The following LRRC4C variants were observed in gnomAD, a reference collection of about 807,000 sequenced individuals.
LRRC4C encodes the protein leucine-rich repeat-containing protein 4C.
A neutral mutation model predicts 33.6 loss-of-function variants in LRRC4C; 5 were observed. The ratio of observed to expected loss-of-function variants is 0.15; its 90% CI spans 0.08 to 0.31. LRRC4C has a LOEUF of 0.31. LRRC4C is among the 10% of genes least tolerant of loss of function. The pLI, the probability that LRRC4C is intolerant of heterozygous loss-of-function variation, is 1.00. For synonymous variants in LRRC4C, 329 were observed against 302.0 expected, an observed-to-expected ratio of 1.09 and a Z score of -0.93; for missense variants, 560 against 796.7, an observed-to-expected ratio of 0.70 and a Z score of 3.58.
At chr11:41,177,932 G>A (rs1383532449) in intron 1 of LRRC4C, among the ~76,000 whole-genome samples, 1 of 152,174 alleles carries the variant, frequency 6.6e-6, no homozygotes, top group Admixed American at 6.5e-5. Context: ...GAGGGGTGGA[G>A]AAGAGGTCCA....
At chr11:41,004,468 G>A (rs964227455) in intron 1 of LRRC4C, among the ~76,000 whole-genome samples, 2 of 152,256 alleles carry the variant, frequency 1.3e-5, no homozygotes, top group South Asian at 2.1e-4. Context: ...CTACAAAAAT[G>A]CATGATTCCT....
intron 3 of LRRC4C, among the ~76,000 whole-genome samples, chr11:40,440,667 G>T (rs1357764165): frequency 6.6e-6 from 1 of 152,046 alleles, no homozygotes; most frequent in Non-Finnish European, 1.5e-5. Flanking sequence ...ATTCATACAA[G>T]GTAATAAAGA....
At chr11:40,402,218 A>G (rs994292795) in intron 3 of LRRC4C, among the ~76,000 whole-genome samples, 41 of 152,128 alleles carry the variant, frequency 2.7e-4, no homozygotes, top group African/African-American at 9.9e-4. Context: ...TATTTTCACT[A>G]TATGTTTGTC....
At chr11:40,920,965 G>T (rs1399529064) in intron 2 of LRRC4C, among the ~76,000 whole-genome samples, 1 of 149,654 alleles carries the variant, frequency 6.7e-6, no homozygotes, top group African/African-American at 2.5e-5. Context: ...CTGTTGTCCA[G>T]GCTGAAGCAT....
Position 41,246,087 on chromosome 11 carries a change from G to A in LRRC4C, c.-496+213344C>T, listed in dbSNP as rs143818181. Among the ~76,000 whole-genome samples the A allele has an allele frequency of 5.5e-4, 83 of 152,248 alleles. 1 individual carries two copies. The East Asian group carries it at 0.016, about 29-fold the overall frequency. ...GAAGGTAGGATTTCACCAGGGACCT[G>A]TCCCTTACCCCCTGGAGCCTGTCAC... On this transcript the variant is annotated intron_variant, in intron 1 of 6. Transcript: ENST00000528697.
chr11:40,865,984 A>G (rs1020940076), intron 2 of LRRC4C, among the ~76,000 whole-genome samples: 4 of 151,986 alleles, frequency 2.6e-5, no homozygotes, highest in African/African-American at 9.7e-5. Context: ...TGAAGATTTT[A>G]TTCTATTAAA....
chr11:40,724,977 G>A (rs1947215990), intron 2 of LRRC4C, among the ~76,000 whole-genome samples: 1 of 152,170 alleles, frequency 6.6e-6, no homozygotes, highest in African/African-American at 2.4e-5. Context: ...ACATGTCCAG[G>A]AAGATTCCCT....
chr11:40,721,554 A>G (rs1947014286), intron 2 of LRRC4C, among the ~76,000 whole-genome samples: 1 of 152,224 alleles, frequency 6.6e-6, no homozygotes, highest in Non-Finnish European at 1.5e-5. Flanking sequence ...ACTTATTCTC[A>G]TTTTCTTATT....
chr11:40,599,846 T>A (rs1310931282), intron 3 of LRRC4C, among the ~76,000 whole-genome samples: 6 of 152,032 alleles, frequency 3.9e-5, no homozygotes, highest in Admixed American at 3.3e-4. Context: ...AGGGCAGAAA[T>A]AAGAATAAGA....
chr11:41,193,017 A>C (rs1187756254), intron 1 of LRRC4C, among the ~76,000 whole-genome samples: 13 of 152,046 alleles, frequency 8.6e-5, no homozygotes. Context: ...TAAGAAAGAG[A>C]AGGGATAGTC....
At position 40,198,193 on chromosome 11, in the gene LRRC4C, A is replaced by G. The variant is rs146392300; in HGVS notation, c.-96+43326T>C. On this transcript the variant is annotated intron_variant, in intron 5 of 6. Transcript: ENST00000528697. ...GACGGACAAGTGTTAAATGTTTGCA[A>G]TGACACATTCCTGAACTTTGGTTTC... Among the ~76,000 whole-genome samples the G allele has an allele frequency of 5.7e-3, 867 of 152,306 alleles. 5 individuals are homozygous for G. The highest frequency in any genetic ancestry group is 0.02 in the African/African-American group (826 of 41,554).
At chr11:40,649,540 T>C (rs181130358) in intron 2 of LRRC4C, among the ~76,000 whole-genome samples, 2 of 152,320 alleles carry the variant, frequency 1.3e-5, no homozygotes, top group African/African-American at 4.8e-5. Flanking sequence ...ACTGATTTCA[T>C]ATTGTTGAAA....
intron 2 of LRRC4C, among the ~76,000 whole-genome samples, chr11:40,733,669 A>C (rs943788568): frequency 6.6e-6 from 1 of 152,192 alleles, no homozygotes; most frequent in African/African-American, 2.4e-5. Context: ...GACTTTATGA[A>C]TCTCAGTTCT....
chr11:40,855,341 A>G (rs1312171050), intron 2 of LRRC4C, among the ~76,000 whole-genome samples: 1 of 152,172 alleles, frequency 6.6e-6, no homozygotes, highest in Non-Finnish European at 1.5e-5. Context: ...TATTAGGTCT[A>G]TTATTCATCC....
chr11:41,399,320 T>C (rs997265454), intron 1 of LRRC4C, among the ~76,000 whole-genome samples: 1 of 151,930 alleles, frequency 6.6e-6, no homozygotes, highest in African/African-American at 2.4e-5. Context: ...ACGCAACTTT[T>C]TGTTAGAAGT....
chr11:40,692,162 C>G (rs1354479032), intron 2 of LRRC4C, among the ~76,000 whole-genome samples: 1 of 151,876 alleles, frequency 6.6e-6, no homozygotes, highest in South Asian at 2.1e-4. Context: ...GAAAATGAAC[C>G]CGAGAGAGAT....
intron 3 of LRRC4C, among the ~76,000 whole-genome samples, chr11:40,440,137 A>G (rs1436714579): frequency 6.6e-6 from 1 of 152,168 alleles, no homozygotes; most frequent in African/African-American, 2.4e-5. Context: ...TATAAGTTAC[A>G]TGAGGGCAGG....
At chr11:41,272,178 G>T (rs1424817607) in intron 1 of LRRC4C, among the ~76,000 whole-genome samples, 3 of 152,108 alleles carry the variant, frequency 2.0e-5, no homozygotes, top group African/African-American at 7.2e-5. Context: ...CCCCTTTCAG[G>T]TGTTTTCAAA....
At chr11:40,534,732 A>G (rs1488744163) in intron 3 of LRRC4C, among the ~76,000 whole-genome samples, 1 of 152,226 alleles carries the variant, frequency 6.6e-6, no homozygotes. Flanking sequence ...TATTTTACAA[A>G]AAGAGTGTTT....
Sources: allele counts gnomAD v4.1 joint callset (sites outside exome capture counted in the v4.1 genomes callset), GRCh38; gene constraint gnomAD v4.1.1; transcripts MANE v1.5; gene names NCBI Gene and HGNC (gene_info 2026-07-23, HGNC 2026-07-21).